The following CFAP97 variants were observed in gnomAD, a reference collection of about 807,000 sequenced individuals.
The protein encoded by CFAP97 is cilia- and flagella-associated protein 97.
In CFAP97, 36 loss-of-function variants were observed where a neutral mutation model predicts 43.1. The ratio of observed to expected loss-of-function variants is 0.84; its 90% CI spans 0.64 to 1.10. CFAP97 has a LOEUF of 1.10. CFAP97 is among the 50% of genes least tolerant of loss of function. The probability of loss-of-function intolerance (pLI) is 0.00; values close to 1 mark genes in which losing one functional copy is unlikely to be tolerated. For missense variants in CFAP97, 657 were observed against 620.3 expected, an observed-to-expected ratio of 1.06 and a Z score of -0.63; for synonymous variants, 228 against 225.7, an observed-to-expected ratio of 1.01 and a Z score of -0.09.
At chr4:185,177,203 A>C (rs1735586202) in intron 2 of CFAP97, among the ~76,000 whole-genome samples, 2 of 152,144 alleles carry the variant, frequency 1.3e-5, no homozygotes, top group Admixed American at 1.3e-4. Context: ...GCCTGAGGTC[A>C]GGAGTTCGAG....
intron 1 of CFAP97, among the ~76,000 whole-genome samples, chr4:185,196,499 A>G (rs939678016): frequency 6.6e-6 from 1 of 151,882 alleles, no homozygotes; most frequent in Non-Finnish European, 1.5e-5. Context: ...ATTACATATT[A>G]TAAGAGTAAG....
intron 1 of CFAP97, among the ~76,000 whole-genome samples, chr4:185,196,590 G>C (rs966751398): frequency 3.9e-5 from 6 of 152,092 alleles, no homozygotes; most frequent in African/African-American, 1.5e-4. Flanking sequence ...ACATTCCTGA[G>C]AGTCTCAGGC....
chr4:185,196,739 G>C (rs1271462956), intron 1 of CFAP97, among the ~76,000 whole-genome samples: 1 of 152,192 alleles, frequency 6.6e-6, no homozygotes, highest in Admixed American at 6.5e-5. Flanking sequence ...TAATATGACA[G>C]AGTCTAGGAA....
intron 3 of CFAP97, chr4:185,170,375 T>C (rs1357562570): frequency 2.1e-6 from 1 of 480,142 alleles, no homozygotes; most frequent in Non-Finnish European, 3.7e-6. Flanking sequence ...TACTCCTGTA[T>C]ACTAGCAGAC....
chr4:185,178,447 T>C (rs543590617), intron 2 of CFAP97, among the ~76,000 whole-genome samples: 3 of 151,710 alleles, frequency 2.0e-5, no homozygotes, highest in Admixed American at 6.6e-5. Context: ...GGGGGCTTCA[T>C]CATGTTGGCC....
Position 185,162,485 on chromosome 4 carries a change from T to C in CFAP97, c.*313A>G. 3.3e-6 allele frequency: 1 copy of C among 301,568 alleles called. No individual in the cohort carries two copies. Among genetic ancestry groups the C allele is most frequent in the Non-Finnish European group, 6.3e-6 (1 of 159,778 alleles). 18.7% of individuals were successfully genotyped at this position (301,568 alleles called of 1,614,324 possible). A position where few individuals can be genotyped will look rare whatever the true frequency, so the allele number is the denominator to read the frequency against. ...TGAAAACTATAGTGACCATCTTGGG[T>C]ACGACATGCAATGATACTATCACTA... On this transcript the variant is annotated 3_prime_UTR_variant, in exon 5 of 5. Transcript: ENST00000458385.
chr4:185,209,696 G>A (rs1737434690), upstream of CFAP97: 1 of 973,972 alleles, frequency 1.0e-6, no homozygotes, highest in Non-Finnish European at 1.2e-6. The surrounding 1 kb of genome is among the most constrained non-coding windows in gnomAD (Gnocchi z 5.2). Context: ...GGGGCCCGGC[G>A]GCGTCTGCGG....
chr4:185,206,262 A>G (rs1737183868), upstream of CFAP97, among the ~76,000 whole-genome samples: 1 of 152,246 alleles, frequency 6.6e-6, no homozygotes, highest in Non-Finnish European at 1.5e-5. Context: ...TTTGTTTATC[A>G]ACAGACAGAT....
At chr4:185,205,222 G>C (rs544579063), upstream of CFAP97, among the ~76,000 whole-genome samples, 1 of 152,198 alleles carries the variant, frequency 6.6e-6, no homozygotes, top group Admixed American at 6.5e-5. Context: ...TCGGGAGGCC[G>C]AGGCGGGTGG....
intron 1 of CFAP97, among the ~76,000 whole-genome samples, chr4:185,191,827 TCAA>T (rs966652324): frequency 1.3e-5 from 2 of 151,458 alleles, no homozygotes; most frequent in African/African-American, 2.4e-5. Flanking sequence ...AGACTCCATC[TCAA>T]CAACAACAAA....
chr4:185,197,205 T>C (rs1736594450), intron 1 of CFAP97, among the ~76,000 whole-genome samples: 1 of 151,158 alleles, frequency 6.6e-6, no homozygotes, highest in Non-Finnish European at 1.5e-5. Flanking sequence ...ATTATTTAGC[T>C]ATAAGAGATG....
Position 185,190,581 on chromosome 4 carries a change from A to C in CFAP97, c.616T>G (p.Ser206Ala). 1 of 1,613,600 alleles carries C rather than the reference A, an allele frequency of 6.2e-7. No individual in the cohort carries two copies. ...ATACCAGATACATGTTTCTTAGATG[A>C]CTTAGATGACGGAGACGAATCAGAT... ...HLSDSSPSSK[S>A]SKKHVSGITL... Residue 206 changes from serine (S) to alanine (A), a missense_variant, in exon 2 of 5, where the codon TCA (serine) becomes GCA (alanine). By Grantham distance (99) the Ser-to-Ala change is moderately conservative. Transcript: ENST00000458385.
intron 3 of CFAP97, among the ~76,000 whole-genome samples, chr4:185,166,912 A>T (rs1455582855): frequency 6.6e-6 from 1 of 152,276 alleles, no homozygotes; most frequent in South Asian, 2.1e-4. Context: ...GGCTGCATGC[A>T]GCTCAGGATG....
chr4:185,167,295 C>T (rs187509343), intron 3 of CFAP97, among the ~76,000 whole-genome samples: 1 of 152,090 alleles, frequency 6.6e-6, no homozygotes, highest in South Asian at 2.1e-4. Context: ...GGCGAGACCC[C>T]GTCTCTTACA....
At chr4:185,184,094 C>T (rs1192504990) in intron 2 of CFAP97, among the ~76,000 whole-genome samples, 2 of 152,156 alleles carry the variant, frequency 1.3e-5, no homozygotes, top group Non-Finnish European at 2.9e-5. Flanking sequence ...AAATAGTTTA[C>T]TCAGTGTCTT....
chr4:185,172,850 C>CA (rs1159858914), intron 3 of CFAP97, among the ~76,000 whole-genome samples: 4,067 of 52,694 alleles, frequency 0.077, 209 homozygotes, highest in East Asian at 0.22. Flanking sequence ...CCCATCTCTA[C>CA]AAAAAAAAAA....
At chr4:185,187,714 C>T (rs1034452335) in intron 2 of CFAP97, among the ~76,000 whole-genome samples, 4 of 151,392 alleles carry the variant, frequency 2.6e-5, no homozygotes, top group Admixed American at 6.6e-5. Flanking sequence ...ATCCATACAA[C>T]GTACAGCAAT....
chr4:185,173,101 C>T (rs1296588581), intron 3 of CFAP97, among the ~76,000 whole-genome samples: 2 of 152,102 alleles, frequency 1.3e-5, no homozygotes, highest in Non-Finnish European at 1.5e-5. Flanking sequence ...CAGTGGCTCA[C>T]GCCTGTAATC....
chr4:185,194,255 G>A (rs13122903), intron 1 of CFAP97, among the ~76,000 whole-genome samples: 76,958 of 151,966 alleles, frequency 0.51, 19,757 homozygotes, highest in East Asian at 0.6. Flanking sequence ...TTGGGAAGCC[G>A]AGGCGGGTGG....
Sources: allele counts gnomAD v4.1 joint callset (sites outside exome capture counted in the v4.1 genomes callset), GRCh38; gene constraint gnomAD v4.1.1; non-coding constraint Gnocchi (gnomAD v3.1); transcripts MANE v1.5; gene names NCBI Gene and HGNC (gene_info 2026-07-23, HGNC 2026-07-21).